ESCO2: variants seen among roughly 807,000 people sequenced by gnomAD.
ESCO2 encodes the protein establishment of sister chromatid cohesion N-acetyltransferase 2, also known as N-acetyltransferase ESCO2.
A neutral mutation model predicts 61.7 loss-of-function variants in ESCO2; 51 were observed. That is an observed-to-expected ratio of 0.83 (90% CI 0.66 to 1.04). The LOEUF (loss-of-function observed/expected upper bound fraction) is 1.04, where lower values mean the gene tolerates loss of function less well. Ranked by LOEUF, ESCO2 falls within the 50% of genes least tolerant of loss-of-function variation. The pLI, the probability that ESCO2 is intolerant of heterozygous loss-of-function variation, is 0.00. For synonymous variants in ESCO2, 230 were observed against 238.2 expected, an observed-to-expected ratio of 0.97 and a Z score of 0.32; for missense variants, 692 against 686.2, an observed-to-expected ratio of 1.01 and a Z score of -0.09.
chr8:27,797,736 T>C (rs962434883), intron 9 of ESCO2, among the ~76,000 whole-genome samples: 5 of 152,230 alleles, frequency 3.3e-5, no homozygotes, highest in Non-Finnish European at 7.3e-5. Context: ...TTTATGGTCA[T>C]GAGGCTTACA....
At chr8:27,792,379 T>C (rs148714427) in intron 8 of ESCO2, among the ~76,000 whole-genome samples, 1 of 152,202 alleles carries the variant, frequency 6.6e-6, no homozygotes, top group Admixed American at 6.5e-5. Context: ...CCACCGTGAA[T>C]AATGAATAAA....
At chr8:27,787,311 A>C (rs1805067178) in intron 5 of ESCO2, among the ~76,000 whole-genome samples, 1 of 150,424 alleles carries the variant, frequency 6.6e-6, no homozygotes, top group African/African-American at 2.5e-5. Context: ...ACAGCTATCC[A>C]GCCTAAATAT....
rs1804740986 is a variant in ESCO2 at position 27,774,613 on chromosome 8, C to T, written c.-17+6C>T. 6.6e-6 allele frequency: 1 copy of T among 152,316 alleles called. No homozygotes were observed. Among genetic ancestry groups the T allele is most frequent in the Admixed American group, 6.5e-5 (1 of 15,288 alleles). The allele number at this position is 152,316 out of a possible 1,614,324, so 9.4% of individuals were successfully genotyped here. ...CGCCGGGCTCTGAGGCGCAGGTAAC[C>T]TCTGGAGTAGGCCGAGGCGGGGGGC... On this transcript the variant is annotated splice_donor_region_variant and intron_variant, in intron 1 of 10. Transcript: ENST00000305188.
downstream of ESCO2, among the ~76,000 whole-genome samples, chr8:27,815,967 T>TTTA (rs1452229168): frequency 6.6e-6 from 1 of 152,230 alleles, no homozygotes; most frequent in Non-Finnish European, 1.5e-5. Context: ...CAGTTTATAC[T>TTTA]TTATTTCCCT....
chr8:27,775,082 C>T (rs571634089), intron 1 of ESCO2, among the ~76,000 whole-genome samples: 1 of 152,316 alleles, frequency 6.6e-6, no homozygotes, highest in South Asian at 2.1e-4. Context: ...GCCGCCTGCT[C>T]GTGCATTCTA....
rs760359460 is a variant in ESCO2, at chr8:27,776,638, A to G, written c.330A>G (p.Leu110=). ...KLIKESRSTC[L]KTNDEDKSFP... The stretch of plus-strand genomic sequence containing the variant: ...TAAAAGAGAGTAGATCTACTTGTCT[A>G]AAAACTAATGATGAAGATAAATCTT... Residue 110 remains leucine, a synonymous_variant, in exon 3 of 11, where the codon CTA becomes CTG. Coordinates refer to ENST00000305188, the MANE Select transcript of ESCO2 (RefSeq NM_001017420.3). 52 of 1,613,886 alleles carry G rather than the reference A, an allele frequency of 3.2e-5. No individual in the cohort carries two copies. The highest frequency in any genetic ancestry group is 4.4e-5 in the Non-Finnish European group (52 of 1,180,014).
At chr8:27,772,392 G>A (rs1804659444), upstream of ESCO2, 1 of 947,582 alleles carries the variant, frequency 1.1e-6, no homozygotes. Context: ...GAGGCCGCGG[G>A]AAGAGGCACT....
In ESCO2 at chr8:27,803,409, A is replaced by G; in HGVS notation, c.1777A>G (p.Asn593Asp). 1 of 1,613,546 alleles carries G rather than the reference A, an allele frequency of 6.2e-7. No homozygotes were observed. Among genetic ancestry groups the G allele is most frequent in the Non-Finnish European group, 8.5e-7 (1 of 1,179,574 alleles). Residue 593 changes from asparagine to aspartate, a missense_variant, in exon 11 of 11, where the codon AAT becomes GAT. Coordinates refer to ENST00000305188, the MANE Select transcript of ESCO2 (RefSeq NM_001017420.3). Reference protein sequence around the residue: ...LFATKYCNTPNFLVYNFNS With the variant: ...LFATKYCNTPDFLVYNFNS ...TGCAACCAAGTACTGCAACACCCCTAATTTCCTCGTATATAATTTTAATAG... is the reference window on the plus strand; with the variant it reads ...TGCAACCAAGTACTGCAACACCCCTGATTTCCTCGTATATAATTTTAATAG...
At chr8:27,818,168 A>G in the ESCO2 span, among the ~76,000 whole-genome samples, 2 of 152,200 alleles carry the variant, frequency 1.3e-5, no homozygotes, top group African/African-American at 4.8e-5. Flanking sequence ...AGCTTGAGTA[A>G]TAAGCCTTGG....
intron 10 of ESCO2, among the ~76,000 whole-genome samples, chr8:27,802,739 C>CTT (rs369763731): frequency 7.7e-6 from 1 of 129,898 alleles, no homozygotes; most frequent in South Asian, 2.6e-4. Flanking sequence ...ACAATATGAT[C>CTT]TTTTTTTTAT....
At chr8:27,810,923 G>A (rs762966486), downstream of ESCO2, 16 of 1,265,308 alleles carry the variant, frequency 1.3e-5, no homozygotes, top group Non-Finnish European at 1.8e-5. Flanking sequence ...GTGAAATGAA[G>A]AGATTGGGAT....
chr8:27,815,996 T>C (rs2128962108), downstream of ESCO2, among the ~76,000 whole-genome samples: 1 of 152,304 alleles, frequency 6.6e-6, no homozygotes, highest in Non-Finnish European at 1.5e-5. Flanking sequence ...TTCAAAGAGT[T>C]TAAGCAGACA....
At chr8:27,816,343 C>CTATATATATATATA (rs767822258), downstream of ESCO2, among the ~76,000 whole-genome samples, 19 of 136,380 alleles carry the variant, frequency 1.4e-4, 1 homozygote, top group Admixed American at 4.4e-4. Context: ...TCATCGAATA[C>CTATATATATATATA]TATATATATA....
At chr8:27,778,734 TTC>T (rs1804856951) in intron 3 of ESCO2, 1 of 152,134 alleles carries the variant, frequency 6.6e-6, no homozygotes, top group Admixed American at 6.5e-5. Context: ...TAATTCTCTT[TTC>T]TGTCTTATTT....
In ESCO2 at chr8:27,788,088, G is replaced by A. The variant is rs2128954890; in HGVS notation, c.1131+86G>A. ...CCTGTATTAGACAGTTCAGAACTTG[G>A]TATTTTCAATGTCATTAAGCAATGT... On this transcript the variant is annotated intron_variant, in intron 6 of 10. Transcript: ENST00000305188. 6.5e-6 allele frequency: 6 copies of A among 921,902 alleles called. 1 individual carries two copies. The South Asian group carries it at 8.2e-5, about 13-fold the overall frequency. The allele number at this position is 921,902 out of a possible 1,614,324, so 57.1% of individuals were successfully genotyped here.
Position 27,804,460 on chromosome 8 carries a change from C to T in ESCO2, c.*1022C>T. The T allele has an allele frequency of 1.0e-6, 1 of 985,294 alleles. No homozygotes were observed. Among genetic ancestry groups the T allele is most frequent in the Non-Finnish European group, 1.2e-6 (1 of 829,906 alleles). 61.0% of individuals were successfully genotyped at this position (985,294 alleles called of 1,614,324 possible). On this transcript the variant is annotated 3_prime_UTR_variant, in exon 11 of 11. Transcript: ENST00000305188. ...TTTACAAAATGTATGGTAATAGAACCAAGGTTAGTAAATATACATAGGCTG... is the reference window on the plus strand; with the variant it reads ...TTTACAAAATGTATGGTAATAGAACTAAGGTTAGTAAATATACATAGGCTG...
chr8:27,811,445 AG>A (rs894593972), downstream of ESCO2: 1 of 477,992 alleles, frequency 2.1e-6, no homozygotes, highest in African/African-American at 2.0e-5. Context: ...GTTGGTTCAA[AG>A]ACATGTGTGT....
downstream of ESCO2, chr8:27,810,890 G>A (rs1805664587): frequency 7.5e-6 from 8 of 1,059,840 alleles, no homozygotes; most frequent in Non-Finnish European, 1.1e-5. Flanking sequence ...ATCTTAGAAA[G>A]ATAAAATTAT....
downstream of ESCO2, chr8:27,811,340 G>A: frequency 1.7e-6 from 1 of 602,746 alleles, no homozygotes; most frequent in South Asian, 2.0e-5. Context: ...CAGTTGGCAG[G>A]TATGTAGAGA....
Sources: gnomAD v4.1 joint callset for allele counts (sites outside exome capture counted in the v4.1 genomes callset) on GRCh38, gnomAD v4.1.1 for gene constraint, MANE v1.5 for transcripts, NCBI Gene and HGNC (gene_info 2026-07-23, HGNC 2026-07-21) for gene names.